The following NLRP5 variants were observed in gnomAD, a reference collection of about 807,000 sequenced individuals.
The protein encoded by NLRP5 is NACHT, LRR and PYD domains-containing protein 5.
Under a neutral mutation model 113.1 loss-of-function variants are expected in NLRP5, and 93 were observed. That is an observed-to-expected ratio of 0.82 (90% CI 0.70 to 0.98). The LOEUF (loss-of-function observed/expected upper bound fraction) is 0.98, where lower values mean the gene tolerates loss of function less well. Among genes scored for constraint, NLRP5 ranks in the 50% least tolerant of loss-of-function variants. NLRP5 has a pLI of 0.00. For synonymous variants in NLRP5, 751 were observed against 600.7 expected, an observed-to-expected ratio of 1.25 and a Z score of -3.66; for missense variants, 1,808 against 1,514.3, an observed-to-expected ratio of 1.19 and a Z score of -3.22.
chr19:56,061,734 G>C lies in NLRP5; in HGVS notation c.*206G>C. On this transcript the variant is annotated 3_prime_UTR_variant, in exon 15 of 15. Coordinates refer to ENST00000390649, the MANE Select transcript of NLRP5 (RefSeq NM_153447.4). ...AAGGCTAGAGACCTTCAAGTCATAG[G>C]ACTCAGTATCTGTGAAATGTCCGTC... 3.6e-6 allele frequency: 2 copies of C among 562,496 alleles called. No individual in the cohort carries two copies. The highest frequency in any genetic ancestry group is 6.3e-6 in the Non-Finnish European group (2 of 317,634). 34.8% of individuals were successfully genotyped at this position (562,496 alleles called of 1,614,324 possible). A position where few individuals can be genotyped will look rare whatever the true frequency, so the allele number is the denominator to read the frequency against.
intron 1 of NLRP5, among the ~76,000 whole-genome samples, chr19:56,001,593 G>A (rs1011956741): frequency 1.3e-5 from 2 of 152,136 alleles, no homozygotes; most frequent in African/African-American, 4.8e-5. Context: ...GTCCCTGCAG[G>A]TCAAGGGAGT....
chr19:56,037,962 T>G (rs989945458), intron 9 of NLRP5, 63 bp from the exon 10 acceptor site: 484 of 1,555,688 alleles, frequency 3.1e-4, no homozygotes, highest in Non-Finnish European at 4.2e-4. Context: ...GTGTGCTGAG[T>G]AGAGGGGAAA....
In NLRP5 at chr19:56,061,464, G is replaced by A. The variant is rs750044051; in HGVS notation, c.3539G>A (p.Arg1180Gln). ...GAGGAAGTGCAGCTACTCAAGCCCC[G>A]AGTCGTAATTGACGGTAGTTGGCAT... is the stretch of plus-strand genomic sequence containing the variant. Residue 1180 changes from arginine to glutamine, a missense_variant, in exon 15 of 15, where the codon CGA (arginine) becomes CAA (glutamine). Physicochemically the swap from Arg to Gln is conservative, Grantham distance 43 (BLOSUM62 1). Transcript: ENST00000390649. The A allele has an allele frequency of 1.7e-5, 28 of 1,613,846 alleles. No individual in the cohort carries two copies. Among genetic ancestry groups the A allele is most frequent in the South Asian group, 2.2e-5 (2 of 91,090 alleles).
chr19:56,048,118 G>C (rs894351274), intron 11 of NLRP5, among the ~76,000 whole-genome samples: 2 of 152,146 alleles, frequency 1.3e-5, no homozygotes, highest in African/African-American at 4.8e-5. Flanking sequence ...TTATGTGCTA[G>C]GTGAGTCTCC....
At chr19:56,033,518 T>C (rs1204202425) in intron 8 of NLRP5, 24 bp from the exon 9 acceptor site, 1 of 1,585,670 alleles carries the variant, frequency 6.3e-7, no homozygotes, top group African/African-American at 1.3e-5. Flanking sequence ...CAGTGTCGAA[T>C]GTGTCTCCCC....
chr19:55,998,728 A>ATATATG (rs1262553481), upstream of NLRP5, among the ~76,000 whole-genome samples: 1 of 130,342 alleles, frequency 7.7e-6, no homozygotes, highest in African/African-American at 3.2e-5. Flanking sequence ...ATATATATAT[A>ATATATG]TGTGTATATA....
At chr19:56,051,344 C>T (rs141450792) in intron 12 of NLRP5, among the ~76,000 whole-genome samples, 1 of 152,110 alleles carries the variant, frequency 6.6e-6, no homozygotes, top group Non-Finnish European at 1.5e-5. Flanking sequence ...AGGCATGTGC[C>T]ACCAGTCCCG....
At chr19:56,045,008 T>A (rs1221456474) in intron 11 of NLRP5, among the ~76,000 whole-genome samples, 1 of 152,238 alleles carries the variant, frequency 6.6e-6, no homozygotes, top group Non-Finnish European at 1.5e-5. Context: ...TTGATTTGAT[T>A]CTCCGCTTGG....
chr19:56,056,556 C>A (rs1337659739), intron 13 of NLRP5, among the ~76,000 whole-genome samples: 2 of 151,672 alleles, frequency 1.3e-5, no homozygotes, highest in Non-Finnish European at 2.9e-5. Flanking sequence ...GACTCTATTT[C>A]TAAAAAACAA....
In NLRP5 at chr19:56,019,872, T is replaced by G. The variant is rs903594703; in HGVS notation, c.622+474T>G. ...TTTTTTTTGAGAAGGAGTCTCGCTG[T>G]GTCGCCCAAGCTGTAGTGCAGTGGC... On this transcript the variant is annotated intron_variant, in intron 5 of 14. Coordinates refer to ENST00000390649, the MANE Select transcript of NLRP5 (RefSeq NM_153447.4). 4.6e-4 allele frequency among the ~76,000 whole-genome samples: 70 copies of G among 150,824 alleles called. 3 individuals carry two copies. Among genetic ancestry groups the G allele is most frequent in the African/African-American group, 1.6e-3 (66 of 40,388 alleles).
rs747537420 is a variant in NLRP5, at chr19:56,028,064, T to C, written c.1831T>C (p.Tyr611His). ...AATCGAGCCAGCTCTCTGCCCTCTG[T>C]ACGTTGAGAAGACAAAGAGGTCCAT... The change falls in exon 7 of 15, where the codon TAC (tyrosine) becomes CAC (histidine). Residue 611 changes from tyrosine to histidine, a missense_variant. Transcript: ENST00000390649. 7.4e-6 allele frequency: 12 copies of C among 1,613,902 alleles called. No individual in the cohort carries two copies. Among genetic ancestry groups the C allele is most frequent in the East Asian group, 2.2e-5 (1 of 44,894 alleles).
rs146639067 is a variant in NLRP5, at chr19:56,023,534, G to C, written c.679+3103G>C. On this transcript the variant is annotated intron_variant, in intron 6 of 14. Transcript: ENST00000390649. ...TGCTACATGCTGAGCGGTGCGTTGA[G>C]TCCACACAAATTGAAGCGATGTGTA... 2.0e-5 allele frequency among the ~76,000 whole-genome samples: 3 copies of C among 152,198 alleles called. No individual in the cohort carries two copies. In the South Asian group the frequency reaches 6.2e-4, roughly 31 times the overall value.
At chr19:56,013,630 G>T (rs1440651158) in intron 3 of NLRP5, among the ~76,000 whole-genome samples, 4 of 29,924 alleles carry the variant, frequency 1.3e-4, no homozygotes, top group Admixed American at 3.7e-4. Context: ...TATTATGAAC[G>T]ATGCAGCTAT....
rs571442233 is a variant in NLRP5 at position 56,044,164 on chromosome 19, A to G, written c.2957+3072A>G. Among the ~76,000 whole-genome samples the G allele has an allele frequency of 3.6e-3, 549 of 151,258 alleles. 1 individual carries two copies. Among genetic ancestry groups the G allele is most frequent in the African/African-American group, 0.012 (496 of 41,122 alleles). On this transcript the variant is annotated intron_variant, in intron 11 of 14. Transcript: ENST00000390649. ...CTGCAACCTCCACCTCCCAGGTTCAAGTGATTCTCCTGCCTCAGCCTCCCC... is the reference window on the plus strand; with the variant it reads ...CTGCAACCTCCACCTCCCAGGTTCAGGTGATTCTCCTGCCTCAGCCTCCCC...
chr19:55,986,834 C>T, the NLRP5 span, among the ~76,000 whole-genome samples: 7 of 152,078 alleles, frequency 4.6e-5, no homozygotes, highest in Non-Finnish European at 1.0e-4. Flanking sequence ...GAGTATTCCT[C>T]CTGTCTTGCT....
rs139471019 is a variant in NLRP5 at position 56,041,183 on chromosome 19, G to T, written c.2957+91G>T. On this transcript the variant is annotated intron_variant, in intron 11 of 14. Transcript: ENST00000390649. Reference sequence around the variant, plus strand: ...AAGCAGAAGGCAGTGGGGAGGGGGTGTGGACATCATCACATGAAGGGACCT... The same window carrying T: ...AAGCAGAAGGCAGTGGGGAGGGGGTTTGGACATCATCACATGAAGGGACCT... The T allele has an allele frequency of 7.1e-6, 9 of 1,263,164 alleles. No individual in the cohort carries two copies. In the East Asian group the frequency reaches 2.1e-4, roughly 30 times the overall value. The allele number at this position is 1,263,164 out of a possible 1,614,324, so 78.2% of individuals were successfully genotyped here. A position where few individuals can be genotyped will look rare whatever the true frequency, so the allele number is the denominator to read the frequency against.
intron 13 of NLRP5, among the ~76,000 whole-genome samples, chr19:56,056,341 T>G (rs1298270657): frequency 6.6e-6 from 1 of 152,054 alleles, no homozygotes; most frequent in East Asian, 1.9e-4. Context: ...GTGGATCACC[T>G]GAGGTCAAGA....
chr19:56,034,040 G>A (rs114465211), intron 9 of NLRP5, among the ~76,000 whole-genome samples: 1,931 of 152,278 alleles, frequency 0.013, 30 homozygotes, highest in African/African-American at 0.044. Context: ...AGAGCACTGG[G>A]ATTATAGGCT....
At chr19:56,008,248 T>G (rs1370615833) in intron 2 of NLRP5, among the ~76,000 whole-genome samples, 5 of 152,008 alleles carry the variant, frequency 3.3e-5, no homozygotes, top group Non-Finnish European at 7.4e-5. Flanking sequence ...TTTTAAGAAC[T>G]AAATGCAGAG....
Sources: gnomAD v4.1 joint callset for allele counts (sites outside exome capture counted in the v4.1 genomes callset) on GRCh38, gnomAD v4.1.1 for gene constraint, MANE v1.5 for transcripts, NCBI Gene and HGNC (gene_info 2026-07-23, HGNC 2026-07-21) for gene names.